The following TSPAN5 variants were observed in gnomAD, a reference collection of about 807,000 sequenced individuals.
TSPAN5 encodes tetraspanin-5.
TSPAN5 carries 10 observed loss-of-function variants against 37.1 expected under a neutral mutation model. That is an observed-to-expected ratio of 0.27 (90% CI 0.17 to 0.46). The LOEUF (loss-of-function observed/expected upper bound fraction) is 0.46, where lower values mean the gene tolerates loss of function less well. Ranked by LOEUF, TSPAN5 falls within the 20% of genes least tolerant of loss-of-function variation. The pLI, the probability that TSPAN5 is intolerant of heterozygous loss-of-function variation, is 1.00. For missense variants in TSPAN5, 195 were observed against 326.6 expected (o/e 0.60, Z 3.11); for synonymous variants, 110 against 118.9 (o/e 0.93, Z 0.48).
intron 2 of TSPAN5, among the ~76,000 whole-genome samples, chr4:98,491,411 G>A (rs568029428): frequency 3.3e-5 from 5 of 152,234 alleles, no homozygotes; most frequent in South Asian, 4.1e-4. Context: ...TCACTGAAGA[G>A]CAGCAGTTTT....
chr4:98,609,512 C>G (rs1756129772), intron 1 of TSPAN5, among the ~76,000 whole-genome samples: 1 of 152,194 alleles, frequency 6.6e-6, no homozygotes, highest in Non-Finnish European at 1.5e-5. Flanking sequence ...ACAGTGGCAA[C>G]AGCCAGCAGC....
chr4:98,620,087 G>T (rs1357862092), intron 1 of TSPAN5, among the ~76,000 whole-genome samples: 1 of 152,276 alleles, frequency 6.6e-6, no homozygotes, highest in East Asian at 1.9e-4. Context: ...CCCACTGAGA[G>T]GTGAGGTCTA....
At position 98,499,833 on chromosome 4, in the gene TSPAN5, T is replaced by A. The variant is rs182810223; in HGVS notation, c.132+7845A>T. ...CTGCCACCATGCCTGGCTGATTTTT[T>A]GTATTTTTAGTAGAGATGGGGTTTC... On this transcript the variant is annotated intron_variant, in intron 2 of 7. Transcript: ENST00000305798. 2.2e-3 allele frequency among the ~76,000 whole-genome samples: 330 copies of A among 152,122 alleles called. 3 individuals are homozygous for A. The highest frequency in any genetic ancestry group is 7.7e-3 in the African/African-American group (318 of 41,486).
At chr4:98,605,152 T>C (rs552065288) in intron 1 of TSPAN5, among the ~76,000 whole-genome samples, 5 of 152,386 alleles carry the variant, frequency 3.3e-5, no homozygotes, top group African/African-American at 1.2e-4. Context: ...GTTGTTGTTG[T>C]TGTTGAAACA....
chr4:98,556,571 A>G (rs748165019), intron 1 of TSPAN5, among the ~76,000 whole-genome samples: 5 of 152,226 alleles, frequency 3.3e-5, no homozygotes, highest in Non-Finnish European at 5.9e-5. Context: ...AAAATAATAG[A>G]GTTATTAAAC....
intron 1 of TSPAN5, among the ~76,000 whole-genome samples, chr4:98,556,031 C>A (rs1190017310): frequency 1.1e-5 from 1 of 92,090 alleles, no homozygotes; most frequent in South Asian, 4.2e-4. Flanking sequence ...CCCCCACACA[C>A]ACAGCACCCC....
Position 98,506,894 on chromosome 4 carries a change from G to A in TSPAN5, c.132+784C>T, listed in dbSNP as rs1416527375. Among the ~76,000 whole-genome samples the A allele has an allele frequency of 3.3e-5, 5 of 152,132 alleles. No individual in the cohort carries two copies. The East Asian group carries it at 5.8e-4, about 18-fold the overall frequency. ...AGGAAAAAAGCTGGGAGGAGGGGGC[G>A]GGTGTTTATATTCACTGTTGAATTC... On this transcript the variant is annotated intron_variant, in intron 2 of 7. Coordinates refer to ENST00000305798, the MANE Select transcript of TSPAN5 (RefSeq NM_005723.4).
At chr4:98,582,177 C>T (rs930952232) in intron 1 of TSPAN5, among the ~76,000 whole-genome samples, 2 of 152,184 alleles carry the variant, frequency 1.3e-5, no homozygotes, top group African/African-American at 4.8e-5. Flanking sequence ...CAAGTGATTG[C>T]GGTTCTCTTG....
intron 1 of TSPAN5, among the ~76,000 whole-genome samples, chr4:98,590,087 C>T (rs889964211): frequency 3.9e-5 from 6 of 152,116 alleles, no homozygotes; most frequent in African/African-American, 1.4e-4. Flanking sequence ...GTACACAACA[C>T]AGACCATGAA....
chr4:98,652,346 T>C (rs1757209469), intron 1 of TSPAN5, among the ~76,000 whole-genome samples: 1 of 152,230 alleles, frequency 6.6e-6, no homozygotes, highest in Admixed American at 6.5e-5. Flanking sequence ...AAGAATGCTG[T>C]CTACAATACT....
At chr4:98,542,220 G>A (rs1754375049) in intron 1 of TSPAN5, among the ~76,000 whole-genome samples, 1 of 152,222 alleles carries the variant, frequency 6.6e-6, no homozygotes. Flanking sequence ...AGTGGTCCTA[G>A]TGCCAACACA....
At chr4:98,642,503 T>C (rs1756979419) in intron 1 of TSPAN5, among the ~76,000 whole-genome samples, 1 of 152,238 alleles carries the variant, frequency 6.6e-6, no homozygotes, top group Non-Finnish European at 1.5e-5. Flanking sequence ...TTCATTTAGT[T>C]TGCATATTTA....
At chr4:98,550,144 G>A (rs962216407) in intron 1 of TSPAN5, among the ~76,000 whole-genome samples, 1 of 152,112 alleles carries the variant, frequency 6.6e-6, no homozygotes, top group South Asian at 2.1e-4. Context: ...TGAATAGGGT[G>A]TCATTTCCCC....
chr4:98,634,245 C>T (rs1393405560), intron 1 of TSPAN5, among the ~76,000 whole-genome samples: 1 of 152,170 alleles, frequency 6.6e-6, no homozygotes, highest in African/African-American at 2.4e-5. Context: ...AGATTTATCA[C>T]AAGGGCTTGA....
At chr4:98,502,333 T>A (rs1362162721) in intron 2 of TSPAN5, among the ~76,000 whole-genome samples, 1 of 152,184 alleles carries the variant, frequency 6.6e-6, no homozygotes, top group African/African-American at 2.4e-5. Context: ...ATGAGATTTC[T>A]TAAGACGAGT....
chr4:98,486,943 T>C, intron 2 of TSPAN5, 59 bp from the exon 3 acceptor site: 1 of 1,582,376 alleles, frequency 6.3e-7, no homozygotes, highest in Non-Finnish European at 8.6e-7. Context: ...TTTTCCAACA[T>C]GTAAAGATTA....
intron 1 of TSPAN5, among the ~76,000 whole-genome samples, chr4:98,655,218 G>C (rs1021472031): frequency 6.6e-6 from 1 of 152,122 alleles, no homozygotes; most frequent in Non-Finnish European, 1.5e-5. Flanking sequence ...AGGAAGAAAT[G>C]AAAGTAATAA....
At chr4:98,621,149 T>C (rs958716771) in intron 1 of TSPAN5, among the ~76,000 whole-genome samples, 5 of 152,084 alleles carry the variant, frequency 3.3e-5, no homozygotes, top group African/African-American at 1.2e-4. Flanking sequence ...GACAGGTTTA[T>C]ACACCACGGA....
chr4:98,652,804 T>C (rs1210212183), intron 1 of TSPAN5, among the ~76,000 whole-genome samples: 1 of 152,238 alleles, frequency 6.6e-6, no homozygotes, highest in Non-Finnish European at 1.5e-5. Context: ...CCTATTACTG[T>C]GGACATTAAA....
Sources: allele counts gnomAD v4.1 joint callset (sites outside exome capture counted in the v4.1 genomes callset), GRCh38; gene constraint gnomAD v4.1.1; transcripts MANE v1.5; gene names NCBI Gene and HGNC (gene_info 2026-07-23, HGNC 2026-07-21).